Variants in PTPRN2 observed in about 807,000 individuals in gnomAD.
The protein encoded by PTPRN2 is protein tyrosine phosphatase receptor type N2.
A neutral mutation model predicts 118.8 loss-of-function variants in PTPRN2; 74 were observed. That is an observed-to-expected ratio of 0.62 (90% CI 0.52 to 0.76). The LOEUF is 0.76. Ranked by LOEUF, PTPRN2 falls within the 30% of genes least tolerant of loss-of-function variation. PTPRN2 has a pLI of 0.00. For synonymous variants in PTPRN2, 641 were observed against 608.0 expected (o/e 1.05, Z -0.80); for missense variants, 1,481 against 1,394.4 (o/e 1.06, Z -0.99).
chr7:158,306,599 G>T (rs747357759), intron 3 of PTPRN2, among the ~76,000 whole-genome samples: 1 of 152,112 alleles, frequency 6.6e-6, no homozygotes, highest in Non-Finnish European at 1.5e-5. Flanking sequence ...AAACTTTACA[G>T]AATTAGTTCA....
chr7:158,308,312 A>T lies in PTPRN2; in HGVS notation c.277+8507T>A, dbSNP rs932500176. Among the ~76,000 whole-genome samples, 5 of 152,324 alleles carry T rather than the reference A, an allele frequency of 3.3e-5. 1 individual carries two copies. The highest frequency in any genetic ancestry group is 6.5e-5 in the Admixed American group (1 of 15,294). ...CATTCCCAAACAAAAAACAAAGAGA[A>T]TTTTTTCCAACAACCCTTCCCTAGC... On this transcript the variant is annotated intron_variant, in intron 3 of 22. Transcript: ENST00000389418.
chr7:158,114,330 G>A (rs147025768), intron 9 of PTPRN2, among the ~76,000 whole-genome samples: 55 of 152,260 alleles, frequency 3.6e-4, no homozygotes, highest in African/African-American at 1.2e-3. Context: ...TGTGTTTCTC[G>A]TGGGTTCCCA....
intron 2 of PTPRN2, among the ~76,000 whole-genome samples, chr7:158,367,881 A>C (rs1371696420): frequency 1.3e-5 from 2 of 152,158 alleles, no homozygotes; most frequent in Non-Finnish European, 2.9e-5. Context: ...ACGGTTTACA[A>C]ATTTCAACCA....
At position 157,843,245 on chromosome 7, in the gene PTPRN2, T is replaced by C. The variant is rs118071241; in HGVS notation, c.1788+55428A>G. On this transcript the variant is annotated intron_variant, in intron 12 of 22. Coordinates refer to ENST00000389418, the MANE Select transcript of PTPRN2 (RefSeq NM_002847.5). ...ATAAAGCCTAATGGTATGTATGAAA[T>C]ACACAAAAAGGTAACCTAATTGGTA... Among the ~76,000 whole-genome samples the C allele has an allele frequency of 2.8e-3, 424 of 152,312 alleles. 2 individuals are homozygous for C. Among genetic ancestry groups the C allele is most frequent in the Admixed American group, 4.7e-3 (72 of 15,306 alleles).
intron 12 of PTPRN2, among the ~76,000 whole-genome samples, chr7:157,828,259 C>T (rs1275731562): frequency 2.0e-5 from 3 of 152,196 alleles, no homozygotes; most frequent in Non-Finnish European, 2.9e-5. Context: ...TCCGGATGCC[C>T]CTGCTGTAGG....
chr7:157,736,487 A>T (rs1223200080), intron 12 of PTPRN2, among the ~76,000 whole-genome samples: 1 of 152,174 alleles, frequency 6.6e-6, no homozygotes. Context: ...CCGTGTGAGG[A>T]CATGGGGAGA....
At chr7:158,105,733 T>C (rs961472862) in intron 10 of PTPRN2, among the ~76,000 whole-genome samples, 1 of 151,910 alleles carries the variant, frequency 6.6e-6, no homozygotes, top group African/African-American at 2.4e-5. Context: ...CCCAGCTCTA[T>C]CCATCTCCAT....
intron 2 of PTPRN2, among the ~76,000 whole-genome samples, chr7:158,318,025 C>T (rs1424941483): frequency 6.6e-6 from 1 of 152,192 alleles, no homozygotes; most frequent in Non-Finnish European, 1.5e-5. Context: ...GAGGAGACGC[C>T]AGGCCCGCGC....
chr7:158,560,534 A>G (rs1719763852), intron 1 of PTPRN2, among the ~76,000 whole-genome samples: 1 of 152,274 alleles, frequency 6.6e-6, no homozygotes, highest in Non-Finnish European at 1.5e-5. Context: ...CATGCAGAGA[A>G]CACAACGTGT....
intron 3 of PTPRN2, among the ~76,000 whole-genome samples, chr7:158,245,516 C>G (rs541860228): frequency 6.6e-6 from 1 of 152,064 alleles, no homozygotes; most frequent in Non-Finnish European, 1.5e-5. Context: ...TGAGTCAAAC[C>G]AGGGGCCTTT....
chr7:158,273,458 ACG>A (rs1563072638), intron 3 of PTPRN2, among the ~76,000 whole-genome samples: 17 of 68,784 alleles, frequency 2.5e-4, no homozygotes, highest in African/African-American at 8.1e-4. Context: ...GGAGCCGCAG[ACG>A]CAGGGGGAGC....
chr7:158,351,619 C>T (rs531752898), intron 2 of PTPRN2, among the ~76,000 whole-genome samples: 5 of 152,170 alleles, frequency 3.3e-5, no homozygotes, highest in Admixed American at 6.5e-5. Flanking sequence ...ACCTTATTAA[C>T]GCCTCATCCT....
At chr7:157,982,179 C>T (rs1803263511) in intron 11 of PTPRN2, among the ~76,000 whole-genome samples, 1 of 130,724 alleles carries the variant, frequency 7.6e-6, no homozygotes, top group Admixed American at 7.8e-5. Flanking sequence ...GAGGGGAATG[C>T]AGAGTGCAGG....
Position 157,603,975 on chromosome 7 carries a change from G to A in PTPRN2, c.2418+27C>T. ...TCCGTGCCACCCAAGGGAAAGCCTG[G>A]GGCCCCTGTCCCGGCAGTGCACTTA... On this transcript the variant is annotated intron_variant, in intron 16 of 22. Coordinates refer to ENST00000389418, the MANE Select transcript of PTPRN2 (RefSeq NM_002847.5). This position sits in a 1 kb window ranked among gnomAD's most constrained non-coding sequence, Gnocchi z 5.4. 14 of 1,609,590 alleles carry A rather than the reference G, an allele frequency of 8.7e-6. No individual in the cohort carries two copies. The highest frequency in any genetic ancestry group is 1.2e-5 in the Non-Finnish European group (14 of 1,176,438).
chr7:158,582,796 C>CAAAAAAAAAAAAAA (rs1156687117), intron 1 of PTPRN2, among the ~76,000 whole-genome samples: 2 of 44,294 alleles, frequency 4.5e-5, no homozygotes, highest in Non-Finnish European at 8.5e-5. Flanking sequence ...GACTCCATCT[C>CAAAAAAAAAAAAAA]AAAAAAAAAA....
rs576168742 is a variant in PTPRN2, at chr7:158,512,622, C to T, written c.113-22837G>A. Among the ~76,000 whole-genome samples, 20 of 152,270 alleles carry T rather than the reference C, an allele frequency of 1.3e-4. 1 individual carries two copies. The highest frequency in any genetic ancestry group is 1.1e-3 in the Admixed American group (17 of 15,302). ...TGACATGTCCTACAGGCAAGGACAT[C>T]CCCGCAGTAATGAGCACACACCACG... On this transcript the variant is annotated intron_variant, in intron 1 of 22. Coordinates refer to ENST00000389418, the MANE Select transcript of PTPRN2 (RefSeq NM_002847.5).
chr7:158,054,896 G>T (rs954197715), intron 11 of PTPRN2, among the ~76,000 whole-genome samples: 3 of 152,154 alleles, frequency 2.0e-5, no homozygotes, highest in African/African-American at 7.2e-5. Flanking sequence ...ACTGCAGCCC[G>T]CACGCCAGTG....
intron 3 of PTPRN2, among the ~76,000 whole-genome samples, chr7:158,236,294 C>T (rs988256820): frequency 5.3e-5 from 8 of 152,140 alleles, no homozygotes; most frequent in African/African-American, 1.7e-4. Flanking sequence ...TCAGAGGAGC[C>T]CCAGCTTCTC....
intron 5 of PTPRN2, among the ~76,000 whole-genome samples, chr7:158,170,541 G>C (rs1432024907): frequency 6.6e-6 from 1 of 152,196 alleles, no homozygotes; most frequent in African/African-American, 2.4e-5. Flanking sequence ...TTAAGGTGAA[G>C]AGGAAAAAGA....
Sources: gnomAD v4.1 joint callset for allele counts (sites outside exome capture counted in the v4.1 genomes callset) on GRCh38, gnomAD v4.1.1 for gene constraint, Gnocchi (gnomAD v3.1) non-coding constraint, MANE v1.5 for transcripts, NCBI Gene and HGNC (gene_info 2026-07-23, HGNC 2026-07-21) for gene names.